ANK3: variants seen among roughly 807,000 people sequenced by gnomAD.
ANK3 encodes ankyrin-3.
Under a neutral mutation model 370.9 loss-of-function variants are expected in ANK3, and 57 were observed. The ratio of observed to expected loss-of-function variants is 0.15; its 90% CI spans 0.12 to 0.19. The LOEUF is 0.19. ANK3 is among the 10% of genes least tolerant of loss of function. The pLI is 1.00. For missense variants in ANK3, 4,439 were observed against 5,302.1 expected (o/e 0.84, Z 5.06); for synonymous variants, 1,929 against 1,946.3 (o/e 0.99, Z 0.23).
chr10:60,076,577 A>C, intron 36 of ANK3, 129 bp from the exon 37 acceptor site: 1 of 1,221,910 alleles, frequency 8.2e-7, no homozygotes, highest in South Asian at 2.0e-5. Flanking sequence ...AATTGTTTGC[A>C]TGATTTAGAA....
intron 7 of ANK3, among the ~76,000 whole-genome samples, chr10:60,259,378 T>A (rs2097774555): frequency 6.6e-6 from 1 of 152,162 alleles, no homozygotes; most frequent in Non-Finnish European, 1.5e-5. Flanking sequence ...CAGCTCAGAA[T>A]GCTATTAGAC....
chr10:60,247,995 T>C (rs996680130), intron 7 of ANK3, among the ~76,000 whole-genome samples: 9 of 152,252 alleles, frequency 5.9e-5, no homozygotes, highest in African/African-American at 2.2e-4. Flanking sequence ...TCATTCATGC[T>C]GTAGCATGCA....
intron 2 of ANK3, among the ~76,000 whole-genome samples, chr10:60,599,500 C>A (rs1343835218): frequency 6.6e-6 from 1 of 152,154 alleles, no homozygotes; most frequent in East Asian, 1.9e-4. Context: ...ATCACCTTAT[C>A]TTTTCTATTG....
At chr10:60,275,587 A>G (rs1237646136) in intron 4 of ANK3, among the ~76,000 whole-genome samples, 1 of 152,110 alleles carries the variant, frequency 6.6e-6, no homozygotes, top group Non-Finnish European at 1.5e-5. Context: ...GAGGTGCAAT[A>G]TAAGGTCACA....
rs1172680270 is a variant in ANK3 at position 60,294,402 on chromosome 10, G to C, written c.115-14763C>G. 3.3e-5 allele frequency among the ~76,000 whole-genome samples: 5 copies of C among 152,140 alleles called. No individual in the cohort carries two copies. The East Asian group carries it at 9.6e-4, about 29-fold the overall frequency. Reference sequence around the variant, plus strand: ...AGGGAGAGGAGGCATTAGCTAGTGAGTTCTTGAATTTATCATCCTAAAATG... The same window carrying C: ...AGGGAGAGGAGGCATTAGCTAGTGACTTCTTGAATTTATCATCCTAAAATG... On this transcript the variant is annotated intron_variant, in intron 1 of 43. Coordinates refer to ENST00000280772, the MANE Select transcript of ANK3 (RefSeq NM_020987.5).
intron 2 of ANK3, among the ~76,000 whole-genome samples, chr10:60,491,589 C>T (rs1297511779): frequency 6.6e-6 from 1 of 152,160 alleles, no homozygotes; most frequent in Non-Finnish European, 1.5e-5. Flanking sequence ...ATTGCTCCAG[C>T]CTCAAGGAAG....
chr10:60,684,028 T>C (rs1287068785), intron 1 of ANK3, among the ~76,000 whole-genome samples: 2 of 152,228 alleles, frequency 1.3e-5, no homozygotes, highest in African/African-American at 4.8e-5. Flanking sequence ...TTTTTGTTTA[T>C]GTGTTTGTTT....
chr10:60,069,975 C>T lies in ANK3; in HGVS notation c.10906G>A (p.Glu3636Lys). The change falls in exon 37 of 44, where the codon GAG (glutamate) becomes AAG (lysine). Residue 3636 changes from glutamate to lysine, a missense_variant. Glu to Lys is a moderately conservative substitution (Grantham distance 56). Transcript: ENST00000280772. Reference protein sequence around the residue: ...EERLQFFQIGEHTSEGKSGDQ... With the variant: ...EERLQFFQIGKHTSEGKSGDQ... ...CCTGACTTCCCTTCAGAAGTATGCT[C>T]ACCAATCTGGAAAAATTGGAGCCTC... 6.2e-7 allele frequency: 1 copy of T among 1,614,108 alleles called. No individual in the cohort carries two copies. Among genetic ancestry groups the T allele is most frequent in the Non-Finnish European group, 8.5e-7 (1 of 1,180,028 alleles).
chr10:60,347,340 C>A (rs1297245553), intron 1 of ANK3, among the ~76,000 whole-genome samples: 2 of 151,804 alleles, frequency 1.3e-5, no homozygotes, highest in South Asian at 2.1e-4. Flanking sequence ...AATTTCATCA[C>A]CATGAAACTA....
At position 60,072,547 on chromosome 10, in the gene ANK3, T is replaced by C. The variant is rs776140565; in HGVS notation, c.8334A>G (p.Val2778=). 1.9e-6 allele frequency: 3 copies of C among 1,613,524 alleles called. No homozygotes were observed. Among genetic ancestry groups the C allele is most frequent in the Non-Finnish European group, 2.5e-6 (3 of 1,179,868 alleles). ...QKAIDLPDES[V]SVQKDFMVLK... is the part of the protein sequence containing the mutation. ...ATACCATAAAATCTTTTTGCACAGA[T>C]ACACTTTCATCTGGGAGGTCTATGG... The change falls in exon 37 of 44, where the codon GTA becomes GTG. Residue 2778 remains valine (V), a synonymous_variant. Coordinates refer to ENST00000280772, the MANE Select transcript of ANK3 (RefSeq NM_020987.5).
At position 60,028,531 on chromosome 10, in the gene ANK3, CAAATT is replaced by C. The variant is rs1486081005; in HGVS notation, c.*1310_*1314del. 1.3e-5 allele frequency: 2 copies of C among 152,562 alleles called. No homozygotes were observed. The highest frequency in any genetic ancestry group is 2.9e-5 in the Non-Finnish European group (2 of 68,030). 9.5% of individuals were successfully genotyped at this position (152,562 alleles called of 1,614,324 possible). A position where few individuals can be genotyped will look rare whatever the true frequency, so the allele number is the denominator to read the frequency against. On this transcript the variant is annotated 3_prime_UTR_variant, in exon 44 of 44. Transcript: ENST00000280772. ...GCTGATTTTATGTGAATATAATCAA[CAAATT>C]AAAGAATTTCACCAAAACCCAAATA... is the stretch of plus-strand genomic sequence containing the variant.
intron 2 of ANK3, among the ~76,000 whole-genome samples, chr10:60,520,464 C>T (rs1056762130): frequency 6.6e-5 from 10 of 152,026 alleles, no homozygotes; most frequent in South Asian, 2.1e-4. Flanking sequence ...TGACCATCTC[C>T]GTTCCATTCC....
chr10:60,279,701 A>C, intron 1 of ANK3, 62 bp from the exon 2 acceptor site: 1 of 1,262,934 alleles, frequency 7.9e-7, no homozygotes, highest in African/African-American at 1.5e-5. Flanking sequence ...TTTATAAACT[A>C]TCCAGCTTAA....
chr10:60,330,906 C>T (rs555776453), intron 1 of ANK3, among the ~76,000 whole-genome samples: 33 of 152,206 alleles, frequency 2.2e-4, no homozygotes, highest in African/African-American at 5.5e-4. Flanking sequence ...GAAAATGTGG[C>T]ACATATACCC....
chr10:60,607,134 A>G (rs1243834252), intron 2 of ANK3, among the ~76,000 whole-genome samples: 1 of 152,226 alleles, frequency 6.6e-6, no homozygotes, highest in Non-Finnish European at 1.5e-5. Context: ...CTCATTGAAC[A>G]CAAGAACTTT....
At chr10:60,317,863 G>A (rs1008367845) in intron 1 of ANK3, among the ~76,000 whole-genome samples, 3 of 152,010 alleles carry the variant, frequency 2.0e-5, no homozygotes, top group Non-Finnish European at 2.9e-5. Flanking sequence ...ACAGGCACCT[G>A]CCACCATGCC....
chr10:60,244,677 G>A (rs898063305), intron 7 of ANK3, among the ~76,000 whole-genome samples: 6 of 151,968 alleles, frequency 3.9e-5, no homozygotes, highest in South Asian at 4.2e-4. Flanking sequence ...ATATAGAAAC[G>A]GAAAAATGAT....
chr10:60,588,202 T>TTATTC (rs1333812195), intron 2 of ANK3, among the ~76,000 whole-genome samples: 4 of 114,402 alleles, frequency 3.5e-5, no homozygotes, highest in African/African-American at 1.3e-4. Context: ...TATTATTATT[T>TTATTC]GAGATGGATT....
chr10:60,143,889 C>T (rs2094684835), intron 23 of ANK3, among the ~76,000 whole-genome samples: 1 of 152,098 alleles, frequency 6.6e-6, no homozygotes, highest in African/African-American at 2.4e-5. Flanking sequence ...GATGATAGCA[C>T]CATGTTATAA....
Sources: allele counts gnomAD v4.1 joint callset (sites outside exome capture counted in the v4.1 genomes callset), GRCh38; gene constraint gnomAD v4.1.1; transcripts MANE v1.5; gene names NCBI Gene and HGNC (gene_info 2026-07-23, HGNC 2026-07-21).